Variants in DDX10 observed in about 807,000 individuals in gnomAD.
DDX10 encodes DEAD-box helicase 10, also known as probable ATP-dependent RNA helicase DDX10.
In DDX10, 74 loss-of-function variants were observed where a neutral mutation model predicts 104.3. That is an observed-to-expected ratio of 0.71 (90% CI 0.59 to 0.86). The LOEUF (loss-of-function observed/expected upper bound fraction) is 0.86. Ranked by LOEUF, DDX10 falls within the 40% of genes least tolerant of loss-of-function variation. The pLI is 0.00. For missense variants in DDX10, 952 were observed against 1,040.0 expected, an observed-to-expected ratio of 0.92 and a Z score of 1.16; for synonymous variants, 351 against 353.4, an observed-to-expected ratio of 0.99 and a Z score of 0.08.
Position 108,841,613 on chromosome 11 carries a change from C to T in DDX10, c.2247+137C>T, listed in dbSNP as rs1862639969. ...TGACACTTCTTTTTCTGTGGCTACT[C>T]TTTTTTCTGTTTATTTGTTCCTTTG... is the stretch of plus-strand genomic sequence containing the variant. On this transcript the variant is annotated intron_variant, in intron 15 of 17. Coordinates refer to ENST00000322536, the MANE Select transcript of DDX10 (RefSeq NM_004398.4). The T allele has an allele frequency of 3.6e-6, 3 of 842,836 alleles. No homozygotes were observed. The East Asian group carries it at 8.3e-5, about 23-fold the overall frequency. 52.2% of individuals were successfully genotyped at this position (842,836 alleles called of 1,614,324 possible).
rs1230225677 is a variant in DDX10, at chr11:108,838,465, C to G, written c.1985C>G (p.Ser662Cys). 6.2e-7 allele frequency: 1 copy of G among 1,610,788 alleles called. No homozygotes were observed. The highest frequency in any genetic ancestry group is 1.7e-5 in the Admixed American group (1 of 59,776). The part of the protein sequence containing the change: ...KTLQKKEPSK[S>C]SIKKKMTKVA... ...ACACAGAAGAAAGAACCTTCTAAATCCAGCATCAAGAAAAAAATGACCAAA... is the reference window on the plus strand; with the variant it reads ...ACACAGAAGAAAGAACCTTCTAAATGCAGCATCAAGAAAAAAATGACCAAA... The change falls in exon 14 of 18, where the codon TCC (serine) becomes TGC (cysteine). Residue 662 changes from serine (S) to cysteine (C), a missense_variant. Physicochemically the swap from Ser to Cys is moderately radical, Grantham distance 112. Transcript: ENST00000322536.
chr11:108,888,737 GA>G (rs1863335216), intron 16 of DDX10, among the ~76,000 whole-genome samples: 1 of 151,534 alleles, frequency 6.6e-6, no homozygotes. Flanking sequence ...CTAGACGTGG[GA>G]TATACATATT....
rs560579198 is a variant in DDX10 at position 108,666,306 on chromosome 11, C to T, written c.186+967C>T. 4.5e-4 allele frequency among the ~76,000 whole-genome samples: 69 copies of T among 152,142 alleles called. 1 individual carries two copies. The highest frequency in any genetic ancestry group is 1.5e-3 in the African/African-American group (61 of 41,506). The stretch of plus-strand genomic sequence containing the variant: ...CAGCCTGACCAACATGGTGAAACCC[C>T]GCCTCTACTAAAAATACAAAAAAAT... On this transcript the variant is annotated intron_variant, in intron 1 of 17. Coordinates refer to ENST00000322536, the MANE Select transcript of DDX10 (RefSeq NM_004398.4).
Position 108,918,034 on chromosome 11 carries a change from G to T in DDX10, c.2450+16G>T. The stretch of plus-strand genomic sequence containing the variant: ...ATAAAATAAGGTATGTTTTTACTAT[G>T]GGTATGAAATACATACTTAGTACTC... On this transcript the variant is annotated intron_variant, in intron 17 of 17. Coordinates refer to ENST00000322536, the MANE Select transcript of DDX10 (RefSeq NM_004398.4). 5 of 1,608,022 alleles carry T rather than the reference G, an allele frequency of 3.1e-6. No individual in the cohort carries two copies. Among genetic ancestry groups the T allele is most frequent in the Non-Finnish European group, 4.3e-6 (5 of 1,174,760 alleles).
At chr11:108,891,354 C>T (rs1225723591) in intron 16 of DDX10, among the ~76,000 whole-genome samples, 4 of 152,140 alleles carry the variant, frequency 2.6e-5, no homozygotes, top group Admixed American at 6.5e-5. Context: ...CCTTCACAGG[C>T]GCTGTGCAGG....
chr11:108,761,431 G>C (rs1402418613), intron 13 of DDX10, among the ~76,000 whole-genome samples: 4 of 151,988 alleles, frequency 2.6e-5, no homozygotes, highest in Non-Finnish European at 2.9e-5. Context: ...TTTGATTCAG[G>C]ACTCTCTAAA....
At chr11:108,702,562 G>A (rs2094269981) in intron 9 of DDX10, among the ~76,000 whole-genome samples, 1 of 152,184 alleles carries the variant, frequency 6.6e-6, no homozygotes, top group South Asian at 2.1e-4. Context: ...GTGGTAGAAG[G>A]CAAATTATTG....
intron 13 of DDX10, among the ~76,000 whole-genome samples, chr11:108,786,107 CA>C (rs1861786622): frequency 6.6e-6 from 1 of 152,052 alleles, no homozygotes; most frequent in South Asian, 2.1e-4. Context: ...ATATAATGAA[CA>C]ATGGTTCATT....
chr11:108,913,221 G>C (rs1863702846), intron 16 of DDX10, among the ~76,000 whole-genome samples: 1 of 152,050 alleles, frequency 6.6e-6, no homozygotes, highest in South Asian at 2.1e-4. Flanking sequence ...GGGGACGTGA[G>C]ACATCAATCA....
chr11:108,737,568 A>G (rs898994761), intron 13 of DDX10, among the ~76,000 whole-genome samples: 1 of 152,218 alleles, frequency 6.6e-6, no homozygotes, highest in Non-Finnish European at 1.5e-5. Flanking sequence ...GCCTTAGTAA[A>G]CTGGGCACTG....
chr11:108,842,298 G>A lies in DDX10; in HGVS notation c.2247+822G>A, dbSNP rs199532628. Among the ~76,000 whole-genome samples the A allele has an allele frequency of 1.9e-4, 29 of 152,156 alleles. No individual in the cohort carries two copies. The East Asian group carries it at 3.9e-3, about 20-fold the overall frequency. ...CATTTTTTAAAGAACTTTCTTTAGC[G>A]TGCTTTTGATACAGTGATTTCAGGG... On this transcript the variant is annotated intron_variant, in intron 15 of 17. Transcript: ENST00000322536.
intron 10 of DDX10, among the ~76,000 whole-genome samples, chr11:108,710,473 T>C (rs974583840): frequency 2.0e-5 from 3 of 151,956 alleles, no homozygotes; most frequent in Non-Finnish European, 4.4e-5. Context: ...AAATGGAGCC[T>C]AGGCCTACAC....
At chr11:108,749,386 A>G (rs2094335720) in intron 13 of DDX10, among the ~76,000 whole-genome samples, 1 of 152,118 alleles carries the variant, frequency 6.6e-6, no homozygotes, top group Non-Finnish European at 1.5e-5. Context: ...ACTAACATTT[A>G]TTTCACTATT....
chr11:108,763,749 G>T (rs1282607535), intron 13 of DDX10, among the ~76,000 whole-genome samples: 1 of 152,116 alleles, frequency 6.6e-6, no homozygotes, highest in Non-Finnish European at 1.5e-5. Flanking sequence ...TTAAGTTGGA[G>T]AGAATTTGAT....
chr11:108,730,142 T>C (rs2094310254), intron 13 of DDX10: 1 of 152,294 alleles, frequency 6.6e-6, no homozygotes, highest in South Asian at 2.1e-4. Flanking sequence ...TCCACTCTTA[T>C]TCTTGGTATG....
At chr11:108,723,601 C>A in intron 13 of DDX10, 139 bp downstream of exon 13, 2 of 818,092 alleles carry the variant, frequency 2.4e-6, no homozygotes, top group East Asian at 2.8e-5. Flanking sequence ...CTCCTTTCCC[C>A]CATACTTAAA....
At chr11:108,686,712 C>T (rs1225678848) in intron 6 of DDX10, among the ~76,000 whole-genome samples, 1 of 152,182 alleles carries the variant, frequency 6.6e-6, no homozygotes, top group Non-Finnish European at 1.5e-5. Context: ...CATCCTTTTG[C>T]AGATCTTTGT....
At chr11:108,799,427 A>G (rs952905786) in intron 13 of DDX10, among the ~76,000 whole-genome samples, 2 of 152,172 alleles carry the variant, frequency 1.3e-5, no homozygotes, top group African/African-American at 4.8e-5. Flanking sequence ...GTTTCTTTGT[A>G]TCGAGTGGAA....
At chr11:108,703,391 G>A (rs541051334) in intron 9 of DDX10, among the ~76,000 whole-genome samples, 26 of 151,768 alleles carry the variant, frequency 1.7e-4, no homozygotes, top group South Asian at 6.2e-4. Flanking sequence ...GTGCAGTGGC[G>A]CGATCTCTGC....
Sources: allele counts gnomAD v4.1 joint callset (sites outside exome capture counted in the v4.1 genomes callset), GRCh38; gene constraint gnomAD v4.1.1; transcripts MANE v1.5; gene names NCBI Gene and HGNC (gene_info 2026-07-23, HGNC 2026-07-21).